Variants in DIAPH1 observed in about 807,000 individuals in gnomAD.
DIAPH1 encodes the protein diaphanous related formin 1.
Under a neutral mutation model 140.7 loss-of-function variants are expected in DIAPH1, and 46 were observed. The ratio of observed to expected loss-of-function variants is 0.33; its 90% CI spans 0.26 to 0.42. The LOEUF is 0.42. Among genes scored for constraint, DIAPH1 ranks in the 10% least tolerant of loss-of-function variants. DIAPH1 has a pLI of 1.00. For missense variants in DIAPH1, 1,310 were observed against 1,558.7 expected (o/e 0.84, Z 2.69); for synonymous variants, 565 against 551.6 (o/e 1.02, Z -0.34).
intron 26 of DIAPH1, 199 bp from the exon 27 acceptor site, chr5:141,524,428 C>A (rs2099886994): frequency 3.2e-6 from 2 of 633,490 alleles, no homozygotes; most frequent in Non-Finnish European, 5.7e-6. Flanking sequence ...ATGGTTAAAA[C>A]AAAAGATCTC....
intron 1 of DIAPH1, among the ~76,000 whole-genome samples, chr5:141,601,094 G>C (rs1181093728): frequency 1.3e-5 from 2 of 151,938 alleles, no homozygotes; most frequent in Non-Finnish European, 2.9e-5. Context: ...GGGGGAGAGG[G>C]GAGGGATAGC....
intron 1 of DIAPH1, among the ~76,000 whole-genome samples, chr5:141,614,438 A>C (rs1214736046): frequency 1.3e-5 from 2 of 152,194 alleles, no homozygotes; most frequent in African/African-American, 2.4e-5. Context: ...ATTCTAAGAC[A>C]CAGGAAATAA....
intron 26 of DIAPH1, 56 bp from the exon 27 acceptor site, chr5:141,524,285 A>G: frequency 4.0e-6 from 6 of 1,517,634 alleles, no homozygotes; most frequent in Non-Finnish European, 5.5e-6. Context: ...AGCATGGCAA[A>G]TATCAAGCCC....
chr5:141,575,442 A>G (rs1014524496), intron 14 of DIAPH1, among the ~76,000 whole-genome samples: 39 of 152,198 alleles, frequency 2.6e-4, no homozygotes, highest in African/African-American at 9.2e-4. Flanking sequence ...TGAGGTCAGA[A>G]GTTCGAGACC....
At chr5:141,521,875 A>T (rs903615134) in intron 27 of DIAPH1, among the ~76,000 whole-genome samples, 1 of 152,202 alleles carries the variant, frequency 6.6e-6, no homozygotes, top group Non-Finnish European at 1.5e-5. Flanking sequence ...CAAAAAAAAT[A>T]TTAGAGCTGG....
rs986383413 is a variant in DIAPH1 at position 141,618,934 on chromosome 5, G to C, written c.-20C>G. On this transcript the variant is annotated 5_prime_UTR_variant, in exon 1 of 28. Transcript: ENST00000389054. ...CTCCATGTCCCGGTTCACGCTGGCCGGCGACCCCGCGCCTACGCCGCTCCC... is the reference window on the plus strand; with the variant it reads ...CTCCATGTCCCGGTTCACGCTGGCCCGCGACCCCGCGCCTACGCCGCTCCC... 3 of 1,419,586 alleles carry C rather than the reference G, an allele frequency of 2.1e-6. No homozygotes were observed. The highest frequency in any genetic ancestry group is 3.1e-5 in the East Asian group (1 of 32,704). The allele number at this position is 1,419,586 out of a possible 1,614,324, so 87.9% of individuals were successfully genotyped here. A position where few individuals can be genotyped will look rare whatever the true frequency, so the allele number is the denominator to read the frequency against.
Position 141,613,328 on chromosome 5 carries a change from A to G in DIAPH1, c.117+5470T>C, listed in dbSNP as rs189417210. 6.1e-3 allele frequency among the ~76,000 whole-genome samples: 929 copies of G among 152,298 alleles called. 10 individuals carry two copies. The highest frequency in any genetic ancestry group is 0.024 in the Middle Eastern group (7 of 294). On this transcript the variant is annotated intron_variant, in intron 1 of 27. Coordinates refer to ENST00000389054, the MANE Select transcript of DIAPH1 (RefSeq NM_005219.5). ...AAGCAATAGAGAGCCAATTTCTTCA[A>G]TCTTTTTCCTTTCAATCTCACAGCT...
At chr5:141,530,783 A>T (rs2099888097) in intron 19 of DIAPH1, among the ~76,000 whole-genome samples, 1 of 152,206 alleles carries the variant, frequency 6.6e-6, no homozygotes, top group Non-Finnish European at 1.5e-5. Context: ...GAAAAGACTC[A>T]GATAAGCCTT....
intron 18 of DIAPH1, among the ~76,000 whole-genome samples, chr5:141,554,134 A>G (rs2154595707): frequency 6.6e-6 from 1 of 152,152 alleles, no homozygotes; most frequent in East Asian, 1.9e-4. Context: ...AAAATTAGCC[A>G]GGCATGGTAG....
chr5:141,580,678 G>C, intron 8 of DIAPH1, 66 bp downstream of exon 8: 2 of 1,559,876 alleles, frequency 1.3e-6, no homozygotes, highest in Non-Finnish European at 1.8e-6. Flanking sequence ...CAACTCAATT[G>C]TCCTCTGAAC....
intron 18 of DIAPH1, among the ~76,000 whole-genome samples, chr5:141,548,064 T>C (rs996737323): frequency 1.3e-5 from 2 of 151,888 alleles, no homozygotes; most frequent in Admixed American, 1.3e-4. Context: ...CTGGATGCGG[T>C]GGTGCACGCT....
At chr5:141,519,050 T>C (rs2099886128) in intron 27 of DIAPH1, 9 of 1,486,156 alleles carry the variant, frequency 6.1e-6, no homozygotes, top group African/African-American at 4.2e-5. Context: ...ACAGGACTTA[T>C]CTAGTTACAG....
At chr5:141,547,205 C>T (rs375799540) in intron 18 of DIAPH1, among the ~76,000 whole-genome samples, 39 of 152,216 alleles carry the variant, frequency 2.6e-4, no homozygotes, top group Admixed American at 1.6e-3. Context: ...TTCAGCCAGG[C>T]GCGGTAATCC....
intron 18 of DIAPH1, among the ~76,000 whole-genome samples, chr5:141,545,587 T>A (rs554738749): frequency 2.0e-4 from 31 of 152,244 alleles, no homozygotes; most frequent in Middle Eastern, 6.8e-3. Flanking sequence ...GAGGCTGCTG[T>A]GAGCTGTGAT....
chr5:141,547,592 A>C (rs969466780), intron 18 of DIAPH1, among the ~76,000 whole-genome samples: 2 of 152,188 alleles, frequency 1.3e-5, no homozygotes, highest in Admixed American at 6.5e-5. Flanking sequence ...GTGAACTGGA[A>C]GACAGTAACA....
intron 18 of DIAPH1, among the ~76,000 whole-genome samples, chr5:141,538,621 C>G (rs983999566): frequency 2.0e-5 from 3 of 151,924 alleles, no homozygotes; most frequent in African/African-American, 7.2e-5. Flanking sequence ...TTAGTAGAGA[C>G]GGGGTTTCAC....
intron 18 of DIAPH1, among the ~76,000 whole-genome samples, chr5:141,566,895 A>AAAAAC (rs10646063): frequency 0.35 from 52,777 of 149,702 alleles, 9,485 homozygotes; most frequent in Admixed American, 0.43. Context: ...ACTCCATCTC[A>AAAAAC]AAAACAAAAC....
chr5:141,607,844 T>A (rs1331621674), intron 1 of DIAPH1, among the ~76,000 whole-genome samples: 3 of 152,150 alleles, frequency 2.0e-5, no homozygotes, highest in Non-Finnish European at 4.4e-5. Context: ...ATATCCCCCA[T>A]CTTCTAGGAA....
At chr5:141,584,632 A>T (rs2099897254) in intron 3 of DIAPH1, among the ~76,000 whole-genome samples, 1 of 152,090 alleles carries the variant, frequency 6.6e-6, no homozygotes, top group South Asian at 2.1e-4. Context: ...CTCTGCACCA[A>T]CTCTAGGGCC....
Sources: gnomAD v4.1 joint callset for allele counts (sites outside exome capture counted in the v4.1 genomes callset) on GRCh38, gnomAD v4.1.1 for gene constraint, MANE v1.5 for transcripts, NCBI Gene and HGNC (gene_info 2026-07-23, HGNC 2026-07-21) for gene names.